ZRANB3: variants seen among roughly 807,000 people sequenced by gnomAD.
ZRANB3 encodes zinc finger RANBP2-type containing 3, also known as DNA annealing helicase and endonuclease ZRANB3.
Under a neutral mutation model 133.8 loss-of-function variants are expected in ZRANB3, and 125 were observed. The ratio of observed to expected loss-of-function variants is 0.93; its 90% CI spans 0.81 to 1.08. ZRANB3 has a LOEUF of 1.08. ZRANB3 is among the 50% of genes least tolerant of loss of function. The pLI is 0.00. For missense variants in ZRANB3, 1,229 were observed against 1,275.5 expected (o/e 0.96, Z 0.56); for synonymous variants, 387 against 432.7 (o/e 0.89, Z 1.31).
At chr2:135,463,293 T>C (rs1433818745) in intron 2 of ZRANB3, among the ~76,000 whole-genome samples, 1 of 152,218 alleles carries the variant, frequency 6.6e-6, no homozygotes, top group Non-Finnish European at 1.5e-5. Context: ...AGATTCATTA[T>C]ATTAATCCTC....
chr2:135,264,343 G>C (rs1329287257), intron 12 of ZRANB3, among the ~76,000 whole-genome samples: 1 of 151,298 alleles, frequency 6.6e-6, no homozygotes, highest in East Asian at 2.0e-4. Context: ...ATGGTGGTGG[G>C]CACCTGTAAT....
chr2:135,436,371 C>G (rs534500803), intron 2 of ZRANB3, among the ~76,000 whole-genome samples: 3 of 152,208 alleles, frequency 2.0e-5, no homozygotes, highest in Non-Finnish European at 4.4e-5. Flanking sequence ...TTCGTGTAGC[C>G]TTGCACACCC....
chr2:135,395,573 T>G (rs1010502562), intron 2 of ZRANB3, among the ~76,000 whole-genome samples: 5 of 151,820 alleles, frequency 3.3e-5, no homozygotes, highest in Non-Finnish European at 7.4e-5. Context: ...TTCTCATGCC[T>G]CAGCCTCCTG....
intron 2 of ZRANB3, among the ~76,000 whole-genome samples, chr2:135,424,627 G>A (rs979643914): frequency 5.9e-5 from 9 of 152,156 alleles, no homozygotes; most frequent in Non-Finnish European, 1.3e-4. Flanking sequence ...CAGCTCCTGG[G>A]GAGGCTGAGG....
intron 5 of ZRANB3, among the ~76,000 whole-genome samples, chr2:135,348,795 T>C (rs1685062468): frequency 6.6e-6 from 1 of 152,130 alleles, no homozygotes; most frequent in Admixed American, 6.5e-5. Flanking sequence ...GGTTTCACCA[T>C]GTTGGCCAGG....
At chr2:135,528,630 ACTC>A (rs1394416893) in intron 1 of ZRANB3, among the ~76,000 whole-genome samples, 3 of 152,132 alleles carry the variant, frequency 2.0e-5, no homozygotes, top group African/African-American at 7.2e-5. Flanking sequence ...CACTGGAAGA[ACTC>A]CTGACACAAA....
At chr2:135,310,217 A>G (rs1478126680) in intron 8 of ZRANB3, among the ~76,000 whole-genome samples, 1 of 152,158 alleles carries the variant, frequency 6.6e-6, no homozygotes, top group East Asian at 1.9e-4. Flanking sequence ...GATTACAGGC[A>G]TGAGCCACCG....
intron 2 of ZRANB3, among the ~76,000 whole-genome samples, chr2:135,446,292 A>G (rs532563090): frequency 6.6e-6 from 1 of 152,160 alleles, no homozygotes; most frequent in African/African-American, 2.4e-5. Flanking sequence ...GATAAAATAC[A>G]GGGGTAAAAA....
At chr2:135,290,546 A>C (rs1343249222) in intron 8 of ZRANB3, among the ~76,000 whole-genome samples, 1 of 152,220 alleles carries the variant, frequency 6.6e-6, no homozygotes, top group East Asian at 1.9e-4. Flanking sequence ...ATTCTTATTC[A>C]TTCTGCCAAT....
At chr2:135,235,211 C>A (rs1293738945) in intron 12 of ZRANB3, among the ~76,000 whole-genome samples, 3 of 152,212 alleles carry the variant, frequency 2.0e-5, no homozygotes, top group African/African-American at 7.2e-5. Context: ...TTCCTCAACA[C>A]ATACACCCTC....
At chr2:135,403,022 G>A (rs1687811752) in intron 2 of ZRANB3, among the ~76,000 whole-genome samples, 2 of 152,186 alleles carry the variant, frequency 1.3e-5, no homozygotes, top group African/African-American at 2.4e-5. Flanking sequence ...AGCTCCCAGT[G>A]TGGGCGACGC....
chr2:135,500,059 C>A (rs1442264005), intron 2 of ZRANB3, among the ~76,000 whole-genome samples: 1 of 151,996 alleles, frequency 6.6e-6, no homozygotes, highest in Non-Finnish European at 1.5e-5. Flanking sequence ...GAAAGAGAGC[C>A]CTGGAAAAGA....
intron 12 of ZRANB3, among the ~76,000 whole-genome samples, chr2:135,263,923 G>A (rs1216330235): frequency 1.3e-5 from 2 of 151,102 alleles, no homozygotes; most frequent in Non-Finnish European, 2.9e-5. Context: ...TTACAGGCAT[G>A]TGCCATGACG....
At chr2:135,398,806 AGCCACTGCACCCAG>A (rs1292002795) in intron 2 of ZRANB3, among the ~76,000 whole-genome samples, 10 of 152,144 alleles carry the variant, frequency 6.6e-5, no homozygotes, top group Non-Finnish European at 1.2e-4. Context: ...TACAGGCGTG[AGCCACTGCACCCAG>A]CATTTTGTCA....
At chr2:135,399,764 C>G (rs1238740954) in intron 2 of ZRANB3, among the ~76,000 whole-genome samples, 2 of 152,106 alleles carry the variant, frequency 1.3e-5, no homozygotes, top group Admixed American at 6.6e-5. Flanking sequence ...TGAGAAAGAT[C>G]TTGGTACATG....
intron 6 of ZRANB3, among the ~76,000 whole-genome samples, chr2:135,338,889 A>G (rs1347941816): frequency 1.3e-5 from 2 of 152,256 alleles, no homozygotes; most frequent in African/African-American, 4.8e-5. Flanking sequence ...ACAATAGTAT[A>G]TATGAACAAG....
intron 6 of ZRANB3, among the ~76,000 whole-genome samples, chr2:135,343,033 AAAC>A (rs1434687126): frequency 4.8e-5 from 7 of 146,606 alleles, no homozygotes; most frequent in African/African-American, 1.6e-4. Flanking sequence ...AAAAAAAAAA[AAAC>A]ATTAGCAGGG....
rs181797122 is a variant in ZRANB3, at chr2:135,384,899, C to A, written c.180+5903G>T. Among the ~76,000 whole-genome samples the A allele has an allele frequency of 9.0e-3, 1,370 of 152,220 alleles. 19 individuals are homozygous for A. Among genetic ancestry groups the A allele is most frequent in the African/African-American group, 0.03 (1,235 of 41,542 alleles). ...CACAGCCAATATCATACTGAATGGG[C>A]AAAAACTGGAAGCATTCCCTTTGAA... On this transcript the variant is annotated intron_variant, in intron 3 of 20. Transcript: ENST00000264159.
chr2:135,220,723 T>TA lies in ZRANB3; in HGVS notation c.2251-1546dup, dbSNP rs201650209. Reference sequence around the variant, plus strand: ...AAAAAAAAAAAAAAAAAAAAATTGATATGTAATTCTAAACCCTGATATAGA... The same window carrying TA: ...AAAAAAAAAAAAAAAAAAAAATTGATAATGTAATTCTAAACCCTGATATAGA... On this transcript the variant is annotated intron_variant, in intron 15 of 20. Transcript: ENST00000264159. Among the ~76,000 whole-genome samples the TA allele has an allele frequency of 1.7e-3, 255 of 148,940 alleles. 6 individuals are homozygous for TA. The South Asian group carries it at 0.032, about 19-fold the overall frequency.
Sources: gnomAD v4.1 joint callset for allele counts (sites outside exome capture counted in the v4.1 genomes callset) on GRCh38, gnomAD v4.1.1 for gene constraint, MANE v1.5 for transcripts, NCBI Gene and HGNC (gene_info 2026-07-23, HGNC 2026-07-21) for gene names.